The following SMIM35 variants were observed in gnomAD, a reference collection of about 807,000 sequenced individuals.
SMIM35 encodes small integral membrane protein 35.
Position 118,077,473 on chromosome 11 carries a change from A to C in SMIM35, c.7+9278T>G, listed in dbSNP as rs186997959. On this transcript the variant is annotated intron_variant, in intron 1 of 4. Transcript: ENST00000689828. ...CACACCCCAGCCCGGTACACGTCTC[A>C]TACCCACCTGCCTTCCTCTCTTCCT... 2.0e-5 allele frequency among the ~76,000 whole-genome samples: 3 copies of C among 152,320 alleles called. No individual in the cohort carries two copies. The East Asian group carries it at 5.8e-4, about 29-fold the overall frequency.
chr11:118,074,690 T>C (rs1944626432), intron 1 of SMIM35, among the ~76,000 whole-genome samples: 1 of 147,148 alleles, frequency 6.8e-6, no homozygotes, highest in Non-Finnish European at 1.5e-5. Context: ...GAGGTTACAG[T>C]GAGCTGAGGC....
chr11:118,038,155 A>G (rs76673423), intron 1 of SMIM35, among the ~76,000 whole-genome samples: 1,862 of 152,294 alleles, frequency 0.012, 30 homozygotes, highest in African/African-American at 0.043. Context: ...TGTGTCAGAA[A>G]TGGATTTGAG....
intron 1 of SMIM35, among the ~76,000 whole-genome samples, chr11:118,026,822 A>G (rs978848178): frequency 6.6e-6 from 1 of 152,106 alleles, no homozygotes; most frequent in Admixed American, 6.6e-5. Flanking sequence ...AAATAAAAAT[A>G]TAAAATGCAG....
intron 1 of SMIM35, among the ~76,000 whole-genome samples, chr11:118,037,117 A>G (rs2058365398): frequency 6.6e-6 from 1 of 152,066 alleles, no homozygotes; most frequent in African/African-American, 2.4e-5. Context: ...CCCCCTCTCA[A>G]CAGGAAAACC....
chr11:118,020,976 C>T (rs1487336994), intron 1 of SMIM35, among the ~76,000 whole-genome samples: 1 of 150,996 alleles, frequency 6.6e-6, no homozygotes, highest in Non-Finnish European at 1.5e-5. Context: ...TTTTAATTTC[C>T]ACTGGGATAT....
At chr11:118,040,022 G>A (rs1943973962) in intron 1 of SMIM35, among the ~76,000 whole-genome samples, 1 of 137,088 alleles carries the variant, frequency 7.3e-6, no homozygotes, top group African/African-American at 2.7e-5. Flanking sequence ...TCTAGCCTGG[G>A]TAACAAAGCA....
intron 1 of SMIM35, chr11:118,029,062 C>G (rs76286664): frequency 0.016 from 5,017 of 316,570 alleles, 217 homozygotes; most frequent in African/African-American, 0.1. Flanking sequence ...AGAATGTCTG[C>G]ACTGAGTCAC....
intron 1 of SMIM35, among the ~76,000 whole-genome samples, chr11:118,036,948 C>T (rs1281533644): frequency 5.3e-5 from 8 of 152,154 alleles, no homozygotes; most frequent in Non-Finnish European, 1.0e-4. Context: ...TCTTTACCTC[C>T]TGTTTTTGCC....
chr11:118,077,251 T>C, intron 1 of SMIM35: 1 of 1,585,516 alleles, frequency 6.3e-7, no homozygotes, highest in South Asian at 1.2e-5. Flanking sequence ...TGCCTTGGGG[T>C]GACAATCTCA....
intron 1 of SMIM35, among the ~76,000 whole-genome samples, chr11:118,073,811 A>G (rs777069407): frequency 6.6e-6 from 1 of 152,238 alleles, no homozygotes; most frequent in Non-Finnish European, 1.5e-5. Flanking sequence ...CGCCGCCATG[A>G]TGGGGTGGAG....
chr11:118,080,289 G>T (rs533821566), intron 1 of SMIM35, among the ~76,000 whole-genome samples: 100 of 152,228 alleles, frequency 6.6e-4, no homozygotes, highest in Non-Finnish European at 1.1e-3. Context: ...GGCAGGGAAA[G>T]CAGGAAGGAG....
chr11:118,061,423 G>A (rs905149262), intron 1 of SMIM35, among the ~76,000 whole-genome samples: 23 of 152,324 alleles, frequency 1.5e-4, no homozygotes, highest in African/African-American at 5.3e-4. Context: ...TTATGCCAAT[G>A]TATTACATTT....
At chr11:118,024,762 C>T (rs1432028295) in intron 1 of SMIM35, among the ~76,000 whole-genome samples, 4 of 152,238 alleles carry the variant, frequency 2.6e-5, no homozygotes, top group Admixed American at 6.5e-5. Context: ...CATGAGCCAC[C>T]GTGCCCAGCC....
intron 1 of SMIM35, among the ~76,000 whole-genome samples, chr11:118,070,599 C>A (rs1470384304): frequency 6.6e-6 from 1 of 152,206 alleles, no homozygotes; most frequent in Non-Finnish European, 1.5e-5. Flanking sequence ...GTCTTCTAAC[C>A]CTTGGGCTGC....
chr11:118,006,525 C>G (rs528681204), intron 4 of SMIM35, 149 bp from the exon 5 acceptor site: 25 of 152,306 alleles, frequency 1.6e-4, no homozygotes, highest in Admixed American at 1.3e-3. Context: ...CCTTTGCACC[C>G]AATCAATGCC....
intron 1 of SMIM35, among the ~76,000 whole-genome samples, chr11:118,028,373 G>A (rs1415898120): frequency 6.6e-6 from 1 of 152,172 alleles, no homozygotes; most frequent in Admixed American, 6.5e-5. Flanking sequence ...TACAAGACAG[G>A]CCTGTGGGGA....
chr11:118,061,886 AG>A (rs1237437136), intron 1 of SMIM35, among the ~76,000 whole-genome samples: 1 of 152,182 alleles, frequency 6.6e-6, no homozygotes, highest in Non-Finnish European at 1.5e-5. Context: ...CCACAGCAAA[AG>A]CATTGGCGTG....
At chr11:118,051,146 T>C (rs533316446) in intron 1 of SMIM35, among the ~76,000 whole-genome samples, 1 of 152,314 alleles carries the variant, frequency 6.6e-6, no homozygotes, top group South Asian at 2.1e-4. Flanking sequence ...TTATTCTAAC[T>C]GGTGGCACAA....
chr11:118,062,744 TTC>T (rs1241341451), intron 1 of SMIM35, among the ~76,000 whole-genome samples: 1 of 152,160 alleles, frequency 6.6e-6, no homozygotes, highest in Non-Finnish European at 1.5e-5. Flanking sequence ...CTCTTTTATT[TTC>T]TCTCTCTCTT....
Sources: allele counts gnomAD v4.1 joint callset (sites outside exome capture counted in the v4.1 genomes callset), GRCh38; gene constraint gnomAD v4.1.1; transcripts MANE v1.5; gene names NCBI Gene and HGNC (gene_info 2026-07-23, HGNC 2026-07-21).